GLIPR1: variants seen among roughly 807,000 people sequenced by gnomAD.
GLIPR1 encodes the protein GLI pathogenesis related 1.
GLIPR1 carries 38 observed loss-of-function variants against 30.3 expected under a neutral mutation model. That is an observed-to-expected ratio of 1.26 (90% CI 0.97 to 1.65). GLIPR1 has a LOEUF of 1.65. Ranked by LOEUF, GLIPR1 falls within the 40% of genes most tolerant of loss-of-function variation. The pLI is 0.00. For synonymous variants in GLIPR1, 122 were observed against 110.6 expected (o/e 1.10, Z -0.65); for missense variants, 285 against 326.5 (o/e 0.87, Z 0.98).
intron 3 of GLIPR1, chr12:75,494,792 T>G (rs1207096373): frequency 6.6e-6 from 1 of 152,204 alleles, no homozygotes; most frequent in Non-Finnish European, 1.5e-5. Context: ...TATGGGGATA[T>G]AAAATGCTTG....
rs149298938 is a variant in GLIPR1 at position 75,485,533 on chromosome 12, T to TTTTATTTATTTATTTATTTA, written c.420+3466_420+3485dup. 7.8e-3 allele frequency among the ~76,000 whole-genome samples: 859 copies of TTTTATTTATTTATTTATTTA among 110,448 alleles called. 8 individuals carry two copies. The highest frequency in any genetic ancestry group is 0.021 in the African/African-American group (680 of 33,100). The allele number at this position is 110,448 out of a possible 152,430, so 72.5% of individuals were successfully genotyped here. A position where few individuals can be genotyped will look rare whatever the true frequency, so the allele number is the denominator to read the frequency against. On this transcript the variant is annotated intron_variant, in intron 2 of 5. Transcript: ENST00000266659. ...TCCTCTCACCCTCTTGACAGCTTTA[T>TTTTATTTATTTATTTATTTA]TTTATTTATTTATTTATTTATTTAT...
intron 2 of GLIPR1, among the ~76,000 whole-genome samples, chr12:75,488,242 G>A (rs376395912): frequency 3.3e-5 from 5 of 152,116 alleles, no homozygotes; most frequent in Admixed American, 6.5e-5. Context: ...CCCTATTCGA[G>A]ACGGAGTTGT....
At chr12:75,488,193 G>A (rs1320553263) in intron 2 of GLIPR1, among the ~76,000 whole-genome samples, 8 of 152,146 alleles carry the variant, frequency 5.3e-5, no homozygotes, top group African/African-American at 1.7e-4. Flanking sequence ...AACCGTCTGG[G>A]AATGCAGCCC....
At chr12:75,489,546 C>T (rs571670052) in intron 2 of GLIPR1, among the ~76,000 whole-genome samples, 4 of 152,260 alleles carry the variant, frequency 2.6e-5, no homozygotes, top group Admixed American at 1.3e-4. Context: ...CCTGCCCACG[C>T]TCCCACCTAC....
chr12:75,490,564 CCG>C lies in GLIPR1; in HGVS notation c.533+48_533+49del, dbSNP rs1491473312. On this transcript the variant is annotated intron_variant, in intron 3 of 5. Coordinates refer to ENST00000266659, the MANE Select transcript of GLIPR1 (RefSeq NM_006851.3). Reference sequence around the variant, plus strand: ...GTTTATAGGAAACGCCCCCCCCCCCCCGCAAAAAAAAACAACAACAAAAAAAA... The same window carrying C: ...GTTTATAGGAAACGCCCCCCCCCCCCCAAAAAAAAACAACAACAAAAAAAA... The C allele has an allele frequency of 8.5e-3, 1,646 of 194,094 alleles. 461 individuals are homozygous for C. The African/African-American group carries it at 0.17, about 20-fold the overall frequency. 12.0% of individuals were successfully genotyped at this position (194,094 alleles called of 1,614,324 possible).
At chr12:75,486,168 G>C (rs1292733415) in intron 2 of GLIPR1, among the ~76,000 whole-genome samples, 3 of 152,134 alleles carry the variant, frequency 2.0e-5, no homozygotes, top group African/African-American at 7.2e-5. Context: ...CCTACAAAAG[G>C]AAGAGCAATA....
Position 75,482,025 on chromosome 12 carries a change from G to C in GLIPR1, c.366G>C (p.Gln122His). 1 of 1,613,974 alleles carries C rather than the reference G, an allele frequency of 6.2e-7. No homozygotes were observed. The highest frequency in any genetic ancestry group is 1.7e-5 in the Admixed American group (1 of 60,024). ...SAITNWYDEI[Q>H]DYDFKTRICK... ...TCACAAACTGGTATGACGAAATCCAGGACTATGACTTCAAGACTCGGATAT... is the reference window on the plus strand; with the variant it reads ...TCACAAACTGGTATGACGAAATCCACGACTATGACTTCAAGACTCGGATAT... Residue 122 changes from glutamine to histidine, a missense_variant, in exon 2 of 6, where the codon CAG (glutamine) becomes CAC (histidine). Transcript: ENST00000266659.
chr12:75,481,140 T>C (rs2046268373), intron 1 of GLIPR1, 86 bp downstream of exon 1: 1 of 926,142 alleles, frequency 1.1e-6, no homozygotes, highest in African/African-American at 1.7e-5. Context: ...TTCGTAATAC[T>C]GAATGATTTT....
intron 2 of GLIPR1, chr12:75,484,734 G>A (rs538983451): frequency 1.3e-5 from 2 of 152,348 alleles, no homozygotes; most frequent in East Asian, 1.9e-4. Flanking sequence ...TTTGAGCCAG[G>A]ATGAGCCAGG....
At chr12:75,495,997 G>GTTTTTTTTTTTTTTTTTT in intron 4 of GLIPR1, 1 of 132,126 alleles carries the variant, frequency 7.6e-6, no homozygotes, top group Non-Finnish European at 1.6e-5. Flanking sequence ...TTCTGTTTTC[G>GTTTTTTTTTTTTTTTTTT]TTTTTTTTTT....
Position 75,481,522 on chromosome 12 carries a change from T to C in GLIPR1, c.175-312T>C, listed in dbSNP as rs1046161804. 2.8e-5 allele frequency: 9 copies of C among 319,458 alleles called. No individual in the cohort carries two copies. In the East Asian group the frequency reaches 5.3e-4, roughly 19 times the overall value. 19.8% of individuals were successfully genotyped at this position (319,458 alleles called of 1,614,324 possible). A position where few individuals can be genotyped will look rare whatever the true frequency, so the allele number is the denominator to read the frequency against. On this transcript the variant is annotated intron_variant, in intron 1 of 5. Coordinates refer to ENST00000266659, the MANE Select transcript of GLIPR1 (RefSeq NM_006851.3). ...GTGGCTTTAAGCTGGTTTTTAACCT[T>C]TCTGAACTTCTTAGGATATGGGCTG...
intron 2 of GLIPR1, among the ~76,000 whole-genome samples, chr12:75,482,831 C>T (rs574908672): frequency 1.4e-4 from 21 of 152,002 alleles, no homozygotes; most frequent in Middle Eastern, 3.4e-3. Flanking sequence ...TGTCTTCAGA[C>T]GCTGCCTTCC....
rs1449964819 is a variant in GLIPR1, at chr12:75,498,979, T to G, written c.*1T>G. Reference sequence around the variant, plus strand: ...CCCTAATTTAGTTCTTTTGGACTAATACAATTCAGGAAAGAAAAAACCCAA... The same window carrying G: ...CCCTAATTTAGTTCTTTTGGACTAAGACAATTCAGGAAAGAAAAAACCCAA... On this transcript the variant is annotated 3_prime_UTR_variant, in exon 6 of 6. Coordinates refer to ENST00000266659, the MANE Select transcript of GLIPR1 (RefSeq NM_006851.3). 3 of 1,560,102 alleles carry G rather than the reference T, an allele frequency of 1.9e-6. No individual in the cohort carries two copies. The highest frequency in any genetic ancestry group is 2.6e-6 in the Non-Finnish European group (3 of 1,158,320).
At chr12:75,490,195 T>TCACACACA (rs71829276) in intron 2 of GLIPR1, among the ~76,000 whole-genome samples, 6,552 of 141,570 alleles carry the variant, frequency 0.046, 191 homozygotes, top group Middle Eastern at 0.059. Context: ...TTATCTTATT[T>TCACACACA]CACACACACA....
chr12:75,485,533 T>TTTTTTTTATTTATTTA (rs1555239139), intron 2 of GLIPR1, among the ~76,000 whole-genome samples: 4 of 110,428 alleles, frequency 3.6e-5, no homozygotes, highest in Non-Finnish European at 6.2e-5. Context: ...GACAGCTTTA[T>TTTTTTTTATTTATTTA]TTTATTTATT....
In GLIPR1 at chr12:75,499,694, C is replaced by G; in HGVS notation, c.*716C>G. 1 of 608,710 alleles carries G rather than the reference C, an allele frequency of 1.6e-6. No homozygotes were observed. The highest frequency in any genetic ancestry group is 2.6e-6 in the Non-Finnish European group (1 of 379,722). The allele number at this position is 608,710 out of a possible 1,614,324, so 37.7% of individuals were successfully genotyped here. A position where few individuals can be genotyped will look rare whatever the true frequency, so the allele number is the denominator to read the frequency against. Reference sequence around the variant, plus strand: ...AACACTCTTCTATGAACAACCACCACCACCAAAAAAAAAAAAAGCCCTCAG... The same window carrying G: ...AACACTCTTCTATGAACAACCACCAGCACCAAAAAAAAAAAAAGCCCTCAG... On this transcript the variant is annotated 3_prime_UTR_variant, in exon 6 of 6. Transcript: ENST00000266659.
At chr12:75,482,164 G>C in intron 2 of GLIPR1, 85 bp downstream of exon 2, 9 of 1,085,570 alleles carry the variant, frequency 8.3e-6, no homozygotes, top group Non-Finnish European at 1.2e-5. Flanking sequence ...AAAATGTATA[G>C]TATGCTAGTA....
At chr12:75,498,608 A>AATT in intron 4 of GLIPR1, 86 bp from the exon 5 acceptor site, 1 of 1,086,314 alleles carries the variant, frequency 9.2e-7, no homozygotes, top group South Asian at 1.3e-5. Context: ...TAATGGTCAT[A>AATT]ATTATAAGAC....
intron 3 of GLIPR1, chr12:75,493,299 C>T (rs866685752): frequency 1.3e-5 from 2 of 152,210 alleles, no homozygotes; most frequent in South Asian, 2.1e-4. Flanking sequence ...TTCCCTTTGC[C>T]CTCTGCCCTC....
Sources: gnomAD v4.1 joint callset for allele counts (sites outside exome capture counted in the v4.1 genomes callset) on GRCh38, gnomAD v4.1.1 for gene constraint, MANE v1.5 for transcripts, NCBI Gene and HGNC (gene_info 2026-07-23, HGNC 2026-07-21) for gene names.